Variants in FAM13A observed in about 807,000 individuals in gnomAD.
The protein encoded by FAM13A is protein FAM13A.
A neutral mutation model predicts 129.6 loss-of-function variants in FAM13A; 76 were observed. The observed-to-expected ratio is 0.59, with a 90% CI of 0.49 to 0.71. The LOEUF is 0.71. Ranked by LOEUF, FAM13A falls within the 30% of genes least tolerant of loss-of-function variation. FAM13A has a pLI of 0.00. For synonymous variants in FAM13A, 443 were observed against 449.9 expected, an observed-to-expected ratio of 0.98 and a Z score of 0.20; for missense variants, 1,108 against 1,249.3, an observed-to-expected ratio of 0.89 and a Z score of 1.70.
chr4:88,954,721 AC>A (rs1757471944), intron 4 of FAM13A, among the ~76,000 whole-genome samples: 1 of 151,960 alleles, frequency 6.6e-6, no homozygotes, highest in African/African-American at 2.4e-5. Flanking sequence ...CCTCGTCTCT[AC>A]TTAAAATTCA....
chr4:88,782,036 G>A (rs1723054866), intron 10 of FAM13A, among the ~76,000 whole-genome samples: 1 of 151,628 alleles, frequency 6.6e-6, no homozygotes, highest in South Asian at 2.1e-4. Flanking sequence ...AAAGAAATGT[G>A]TATTTCAATC....
chr4:89,003,448 T>C (rs979907480), intron 3 of FAM13A, among the ~76,000 whole-genome samples: 25 of 151,944 alleles, frequency 1.6e-4, no homozygotes, highest in African/African-American at 5.3e-4. Flanking sequence ...CTGTCTCTAC[T>C]AAAAATATAA....
At chr4:88,907,265 G>T (rs1748318986) in intron 5 of FAM13A, among the ~76,000 whole-genome samples, 1 of 152,130 alleles carries the variant, frequency 6.6e-6, no homozygotes, top group Admixed American at 6.5e-5. Context: ...GCAACAAGAA[G>T]GCTGAGAAAG....
intron 7 of FAM13A, among the ~76,000 whole-genome samples, chr4:88,850,518 T>C (rs971019038): frequency 3.9e-5 from 6 of 152,000 alleles, no homozygotes; most frequent in Non-Finnish European, 8.8e-5. Flanking sequence ...GATTGCGCCA[T>C]TGCACTCCAG....
intron 6 of FAM13A, among the ~76,000 whole-genome samples, chr4:88,901,061 T>C (rs549257062): frequency 6.6e-6 from 1 of 152,160 alleles, no homozygotes; most frequent in Admixed American, 6.5e-5. Context: ...CTTTACATAA[T>C]GGAAAATGGT....
At chr4:89,034,414 C>A (rs1579866239) in intron 1 of FAM13A, among the ~76,000 whole-genome samples, 1 of 151,948 alleles carries the variant, frequency 6.6e-6, no homozygotes. Context: ...ATTAAAAAGT[C>A]AAAAAACAAC....
chr4:88,790,689 CAT>C (rs1724955489), intron 8 of FAM13A, 62 bp from the exon 9 acceptor site: 3 of 1,442,414 alleles, frequency 2.1e-6, no homozygotes, highest in South Asian at 2.4e-5. Context: ...ATGAACCAAA[CAT>C]GTGAAGTGGA....
At chr4:88,969,607 T>C (rs1759807199) in intron 4 of FAM13A, among the ~76,000 whole-genome samples, 1 of 152,220 alleles carries the variant, frequency 6.6e-6, no homozygotes, top group Admixed American at 6.5e-5. Context: ...CTTATCCTCA[T>C]CTTTGAACTT....
intron 5 of FAM13A, among the ~76,000 whole-genome samples, chr4:88,918,398 A>T (rs1338661061): frequency 6.6e-6 from 1 of 152,232 alleles, no homozygotes; most frequent in African/African-American, 2.4e-5. Context: ...ATATGTAAGG[A>T]AAGTGAGGTA....
At chr4:89,027,303 G>A (rs1768090031) in intron 2 of FAM13A, among the ~76,000 whole-genome samples, 1 of 152,126 alleles carries the variant, frequency 6.6e-6, no homozygotes, top group African/African-American at 2.4e-5. Flanking sequence ...AAAGCCAGGA[G>A]TTCAAACCAG....
At chr4:88,919,667 A>T (rs1271927922) in intron 5 of FAM13A, among the ~76,000 whole-genome samples, 2 of 152,174 alleles carry the variant, frequency 1.3e-5, no homozygotes, top group Non-Finnish European at 2.9e-5. Flanking sequence ...TACCGGGTTC[A>T]TCTCACTAGG....
chr4:88,833,953 T>A (rs941798349), intron 7 of FAM13A, among the ~76,000 whole-genome samples: 3 of 151,852 alleles, frequency 2.0e-5, no homozygotes, highest in Admixed American at 6.6e-5. Flanking sequence ...TCTCACTGTG[T>A]CACCCAGGGC....
Position 88,746,931 on chromosome 4 carries a change from C to T in FAM13A, c.2466+1G>A, listed in dbSNP as rs1321683594. 6.2e-7 allele frequency: 1 copy of T among 1,605,152 alleles called. No homozygotes were observed. Among genetic ancestry groups the T allele is most frequent in the Admixed American group, 1.7e-5 (1 of 59,972 alleles). Reference sequence around the variant, plus strand: ...ATCAGAAAATTTACTACATCACATACCGGCCGTCCATGAATGCTTTCATAA... The same window carrying T: ...ATCAGAAAATTTACTACATCACATATCGGCCGTCCATGAATGCTTTCATAA... On this transcript the variant is annotated splice_donor_variant, in intron 19 of 23. Transcript: ENST00000264344. LOFTEE classifies it high-confidence loss of function.
chr4:88,936,402 C>G (rs1222807892), intron 5 of FAM13A: 5 of 152,262 alleles, frequency 3.3e-5, no homozygotes, highest in Admixed American at 1.3e-4. Context: ...GCAGGCATAT[C>G]ACATGGCGAG....
intron 10 of FAM13A, among the ~76,000 whole-genome samples, chr4:88,786,602 T>C (rs1724013534): frequency 6.6e-6 from 1 of 152,136 alleles, no homozygotes; most frequent in Admixed American, 6.6e-5. Flanking sequence ...ATCCACCAGC[T>C]CCATGAAAAT....
intron 6 of FAM13A, among the ~76,000 whole-genome samples, chr4:88,892,739 G>C (rs1005889982): frequency 1.3e-5 from 2 of 151,920 alleles, no homozygotes; most frequent in African/African-American, 4.8e-5. Context: ...ACCTTGTACT[G>C]AAAGCACTAC....
At chr4:88,776,226 C>T (rs1721679255) in intron 11 of FAM13A, among the ~76,000 whole-genome samples, 1 of 152,174 alleles carries the variant, frequency 6.6e-6, no homozygotes, top group Non-Finnish European at 1.5e-5. Flanking sequence ...AGCTATATAT[C>T]CTTTTAGCCT....
chr4:88,781,117 G>T (rs760602491), intron 11 of FAM13A, 48 bp downstream of exon 11: 4 of 1,258,214 alleles, frequency 3.2e-6, no homozygotes, highest in African/African-American at 3.1e-5. Context: ...AAAGAAAAGA[G>T]ATGTAATATT....
intron 7 of FAM13A, among the ~76,000 whole-genome samples, chr4:88,850,153 G>T (rs1737307673): frequency 1.3e-5 from 2 of 151,976 alleles, no homozygotes. Flanking sequence ...TATAATAGAA[G>T]ATATTATTAA....
Sources: allele counts gnomAD v4.1 joint callset (sites outside exome capture counted in the v4.1 genomes callset), GRCh38; gene constraint gnomAD v4.1.1; transcripts MANE v1.5; gene names NCBI Gene and HGNC (gene_info 2026-07-23, HGNC 2026-07-21).